MICAL3: variants seen among roughly 807,000 people sequenced by gnomAD.
MICAL3 encodes the protein microtubule associated monooxygenase, calponin and LIM domain containing 3.
MICAL3 carries 62 observed loss-of-function variants against 207.4 expected under a neutral mutation model. The observed-to-expected ratio is 0.30, with a 90% confidence interval of 0.24 to 0.37. MICAL3 has a LOEUF of 0.37. MICAL3 is among the 10% of genes least tolerant of loss of function. The pLI, the probability that MICAL3 is intolerant of heterozygous loss-of-function variation, is 1.00. For missense variants in MICAL3, 2,368 were observed against 2,635.6 expected (o/e 0.90, Z 2.22); for synonymous variants, 1,077 against 1,069.3 (o/e 1.01, Z -0.14).
At position 17,891,496 on chromosome 22, in the gene MICAL3, G is replaced by A. The variant is rs772983500; in HGVS notation, c.1683C>T (p.Arg561=). 6.8e-6 allele frequency: 11 copies of A among 1,613,844 alleles called. No individual in the cohort carries two copies. In the East Asian group the frequency reaches 2.5e-4, roughly 36 times the overall value. ...TGATCACAACTTACATCAGGTCAGG[G>A]CGGTATCTATGGATAATTGCACAAA... is the stretch of plus-strand genomic sequence containing the variant. ...LALCAIIHRY[R]PDLIDFDSLD... is the part of the protein sequence containing the mutation. The change falls in exon 12 of 32, where the codon CGC becomes CGT. Residue 561 remains arginine, a synonymous_variant. Transcript: ENST00000441493.
Position 17,887,383 on chromosome 22 carries a change from T to G in MICAL3, c.1944A>C (p.Arg648Ser). Reference sequence around the variant, plus strand: ...GTTTGCTTAGGAAGGAGATAGGGGATCTGGTGCTGGCTATCAGGACTGCTT... The same window carrying G: ...GTTTGCTTAGGAAGGAGATAGGGGAGCTGGTGCTGGCTATCAGGACTGCTT... ...EEKAVLIAST[R>S]SPISFLSKLG... The change falls in exon 14 of 32, where the codon AGA becomes AGC. Residue 648 changes from arginine (R) to serine (S), a missense_variant. Arg to Ser is a moderately radical substitution (Grantham distance 110). This residue lies in a region of MICAL3 where 1,770 missense variants were observed against 1,863.2 expected (regional missense o/e 0.95). Transcript: ENST00000441493. The G allele has an allele frequency of 6.2e-7, 1 of 1,614,034 alleles. No individual in the cohort carries two copies. The highest frequency in any genetic ancestry group is 1.1e-5 in the South Asian group (1 of 91,080).
chr22:18,014,287 T>G (rs1167438858), intron 1 of MICAL3, among the ~76,000 whole-genome samples: 1 of 152,146 alleles, frequency 6.6e-6, no homozygotes, highest in Admixed American at 6.5e-5. Context: ...TTCATTCCTG[T>G]GAAGGATGAT....
At chr22:17,926,377 G>A (rs1242902448) in intron 1 of MICAL3, among the ~76,000 whole-genome samples, 1 of 152,176 alleles carries the variant, frequency 6.6e-6, no homozygotes, top group Non-Finnish European at 1.5e-5. Context: ...TTATATAGCT[G>A]AACTCTCCTG....
Position 17,841,454 on chromosome 22 carries a change from G to A in MICAL3, c.2801+368C>T, listed in dbSNP as rs1194957880. Reference sequence around the variant, plus strand: ...GACGGACTAGGCCTCCCTCAAGACGGCCCGGTGCACTGGTGGCTGAATCAC... The same window carrying A: ...GACGGACTAGGCCTCCCTCAAGACGACCCGGTGCACTGGTGGCTGAATCAC... On this transcript the variant is annotated intron_variant, in intron 20 of 31. Coordinates refer to ENST00000441493, the MANE Select transcript of MICAL3 (RefSeq NM_015241.3). This position sits in a 1 kb window ranked among gnomAD's most constrained non-coding sequence, Gnocchi z 4.2. 6.9e-6 allele frequency: 3 copies of A among 437,478 alleles called. No individual in the cohort carries two copies. The highest frequency in any genetic ancestry group is 1.2e-5 in the Non-Finnish European group (3 of 244,556). The allele number at this position is 437,478 out of a possible 1,614,324, so 27.1% of individuals were successfully genotyped here.
intron 1 of MICAL3, among the ~76,000 whole-genome samples, chr22:18,007,478 T>G (rs1029544489): frequency 6.6e-6 from 1 of 151,976 alleles, no homozygotes; most frequent in African/African-American, 2.4e-5. Context: ...TTTTCCAGGC[T>G]GGAGTGCAGT....
chr22:17,873,040 C>T (rs1028910716), intron 16 of MICAL3, among the ~76,000 whole-genome samples: 3 of 152,220 alleles, frequency 2.0e-5, no homozygotes, highest in Non-Finnish European at 2.9e-5. Flanking sequence ...AAAAACATCG[C>T]GTCAGTGTCC....
At position 17,961,036 on chromosome 22, in the gene MICAL3, C is replaced by T. The variant is rs565965767; in HGVS notation, c.-74-54150G>A. The stretch of plus-strand genomic sequence containing the variant: ...GAGCAGGGAAGAATGACATCGCTAC[C>T]GTGTGTTACCAGGGGCTCCTGGTTG... On this transcript the variant is annotated intron_variant, in intron 1 of 31. Coordinates refer to ENST00000441493, the MANE Select transcript of MICAL3 (RefSeq NM_015241.3). 1.0e-3 allele frequency among the ~76,000 whole-genome samples: 155 copies of T among 152,168 alleles called. 1 individual carries two copies. Among genetic ancestry groups the T allele is most frequent in the Non-Finnish European group, 2.4e-4 (16 of 67,982 alleles).
At chr22:17,988,517 C>T (rs1350850975) in intron 1 of MICAL3, among the ~76,000 whole-genome samples, 12 of 152,204 alleles carry the variant, frequency 7.9e-5, no homozygotes, top group Admixed American at 4.6e-4. Context: ...TGCAGTGACG[C>T]GATCTTGGCT....
intron 1 of MICAL3, among the ~76,000 whole-genome samples, chr22:18,016,504 T>A (rs1214301043): frequency 6.7e-6 from 1 of 148,356 alleles, no homozygotes; most frequent in Non-Finnish European, 1.5e-5. Flanking sequence ...TGTGCCTTTG[T>A]AGTCACATTC....
At chr22:17,852,248 T>C (rs868168780) in intron 19 of MICAL3, among the ~76,000 whole-genome samples, 10 of 152,340 alleles carry the variant, frequency 6.6e-5, no homozygotes, top group Admixed American at 2.0e-4. Flanking sequence ...AGATGTGTTT[T>C]TGGAAAGAAA....
At chr22:17,904,574 A>T in intron 3 of MICAL3, 58 bp downstream of exon 3, 1 of 1,300,146 alleles carries the variant, frequency 7.7e-7, no homozygotes, top group Non-Finnish European at 1.1e-6. Flanking sequence ...GTCTCTTTCT[A>T]CTGAACAAGC....
Position 17,827,635 on chromosome 22 carries a change from A to T in MICAL3, c.3193+9T>A. ...GGGCACACTGCGGCCTGGGGCTGGG[A>T]GTGTTTACCTCCGGAAGCAGAGGAC... On this transcript the variant is annotated intron_variant, in intron 22 of 31. Coordinates refer to ENST00000441493, the MANE Select transcript of MICAL3 (RefSeq NM_015241.3). 3.2e-6 allele frequency: 5 copies of T among 1,556,034 alleles called. No individual in the cohort carries two copies. The highest frequency in any genetic ancestry group is 4.3e-6 in the Non-Finnish European group (5 of 1,150,208).
At chr22:17,845,978 T>A (rs2146085673) in intron 19 of MICAL3, among the ~76,000 whole-genome samples, 1 of 152,336 alleles carries the variant, frequency 6.6e-6, no homozygotes, top group African/African-American at 2.4e-5. Context: ...AACTTGGCAG[T>A]CCAAGCCCAG....
Position 17,818,905 on chromosome 22 carries a change from C to A in MICAL3, c.3756G>T (p.Thr1252=). 6.4e-7 allele frequency: 1 copy of A among 1,560,732 alleles called. No homozygotes were observed. Among genetic ancestry groups the A allele is most frequent in the Non-Finnish European group, 8.7e-7 (1 of 1,153,110 alleles). ...AGATGGGGAGTGGGCTGGGTGGGGG[C>A]GTGGAGGCCGCCACGGGTGGCTGGG... ...PQPQPPVAAS[T]PPPSPLPICS... Residue 1252 remains threonine, a synonymous_variant, in exon 26 of 32, where the codon ACG becomes ACT. Transcript: ENST00000441493.
At chr22:17,935,589 T>C (rs1215053340) in intron 1 of MICAL3, among the ~76,000 whole-genome samples, 1 of 152,118 alleles carries the variant, frequency 6.6e-6, no homozygotes, top group Non-Finnish European at 1.5e-5. Flanking sequence ...GGAATCTAAT[T>C]AAACTAAAGA....
chr22:17,899,414 TAAGA>T, intron 7 of MICAL3, 30 bp downstream of exon 7: 1 of 1,355,962 alleles, frequency 7.4e-7, no homozygotes, highest in Non-Finnish European at 1.0e-6. Context: ...ACCACTTCAA[TAAGA>T]AAGAGTTTTG....
rs181719344 is a variant in MICAL3 at position 18,012,377 on chromosome 22, C to T, written c.-75+11904G>A. On this transcript the variant is annotated intron_variant, in intron 1 of 31. Transcript: ENST00000441493. Reference sequence around the variant, plus strand: ...GGAAAGGCAGAGGTACCACTGTTGACTCTACTGGGCCTCAGGCCTCGGCCC... The same window carrying T: ...GGAAAGGCAGAGGTACCACTGTTGATTCTACTGGGCCTCAGGCCTCGGCCC... Among the ~76,000 whole-genome samples the T allele has an allele frequency of 2.6e-3, 398 of 152,340 alleles. 4 individuals are homozygous for T. The highest frequency in any genetic ancestry group is 8.4e-3 in the African/African-American group (350 of 41,576).
intron 1 of MICAL3, among the ~76,000 whole-genome samples, chr22:17,955,157 C>T (rs1934552933): frequency 6.6e-6 from 1 of 152,166 alleles, no homozygotes; most frequent in Non-Finnish European, 1.5e-5. Context: ...TGAGAATGTC[C>T]AGCACACAGC....
At chr22:17,821,907 A>C (rs1601971664) in intron 24 of MICAL3, 123 bp downstream of exon 24, 8 of 1,259,114 alleles carry the variant, frequency 6.4e-6, no homozygotes, top group Non-Finnish European at 8.8e-6. Flanking sequence ...AGCTGCCCAC[A>C]CCTCGGAGGC....
Sources: allele counts gnomAD v4.1 joint callset (sites outside exome capture counted in the v4.1 genomes callset), GRCh38; gene constraint gnomAD v4.1.1; regional missense constraint gnomAD v4.1.1; non-coding constraint Gnocchi (gnomAD v3.1); transcripts MANE v1.5; gene names NCBI Gene and HGNC (gene_info 2026-07-23, HGNC 2026-07-21).